Variants in SENP7 observed in about 807,000 individuals in gnomAD.
SENP7 encodes sentrin-specific protease 7.
Under a neutral mutation model 141.2 loss-of-function variants are expected in SENP7, and 64 were observed. The ratio of observed to expected loss-of-function variants is 0.45; its 90% CI spans 0.37 to 0.56. The LOEUF is 0.56. Among genes scored for constraint, SENP7 ranks in the 20% least tolerant of loss-of-function variants. The pLI is 0.00. For synonymous variants in SENP7, 382 were observed against 426.4 expected (o/e 0.90, Z 1.28); for missense variants, 1,025 against 1,212.2 (o/e 0.85, Z 2.29).
At chr3:101,452,849 G>A (rs1047378296) in intron 4 of SENP7, among the ~76,000 whole-genome samples, 1 of 152,162 alleles carries the variant, frequency 6.6e-6, no homozygotes, top group Non-Finnish European at 1.5e-5. Context: ...GGCAACAAAA[G>A]CCAAAATTGA....
At chr3:101,385,519 C>T (rs746906971) in intron 6 of SENP7, among the ~76,000 whole-genome samples, 5 of 152,318 alleles carry the variant, frequency 3.3e-5, no homozygotes, top group Admixed American at 2.0e-4. Context: ...AAACTTAGGG[C>T]CTCTCCTGCA....
chr3:101,442,405 C>T (rs945632878), intron 4 of SENP7, among the ~76,000 whole-genome samples: 2 of 152,090 alleles, frequency 1.3e-5, no homozygotes, highest in Non-Finnish European at 2.9e-5. Flanking sequence ...CAACCTAGGT[C>T]GCCTGCATGC....
In SENP7 at chr3:101,491,128, T is replaced by TTC. The variant is rs1230044641; in HGVS notation, c.186+2744_186+2745insGA. On this transcript the variant is annotated intron_variant, in intron 3 of 23. Transcript: ENST00000394095. ...GATTTTATTTGCTTCATTTTATACT[T>TTC]TTTTTTTTTTTTTTGAGACAGGGTC... Among the ~76,000 whole-genome samples, 327 of 147,208 alleles carry TTC rather than the reference T, an allele frequency of 2.2e-3. 5 individuals are homozygous for TTC. The highest frequency in any genetic ancestry group is 0.021 in the Admixed American group (310 of 14,850).
At chr3:101,326,190 T>C in intron 23 of SENP7, 110 bp from the exon 24 acceptor site, 3 of 855,136 alleles carry the variant, frequency 3.5e-6, no homozygotes. Flanking sequence ...AAAATAACAA[T>C]TATATTAAGA....
At chr3:101,391,922 C>G (rs540731954) in intron 6 of SENP7, among the ~76,000 whole-genome samples, 99 of 152,232 alleles carry the variant, frequency 6.5e-4, no homozygotes, top group Middle Eastern at 3.4e-3. Flanking sequence ...AAGACACACA[C>G]AAATCAATAA....
intron 4 of SENP7, among the ~76,000 whole-genome samples, chr3:101,452,606 A>G: frequency 6.6e-6 from 1 of 152,168 alleles, no homozygotes; most frequent in South Asian, 2.1e-4. Flanking sequence ...CAAAAACAAG[A>G]AATGGGGAAA....
intron 1 of SENP7, among the ~76,000 whole-genome samples, chr3:101,501,660 A>C (rs1036132611): frequency 2.6e-5 from 4 of 152,224 alleles, no homozygotes; most frequent in Non-Finnish European, 5.9e-5. Context: ...TATAACTTCC[A>C]ACCAGCAAAC....
chr3:101,351,767 C>T, intron 11 of SENP7, 116 bp from the exon 12 acceptor site: 1 of 767,480 alleles, frequency 1.3e-6, no homozygotes, highest in African/African-American at 1.8e-5. Flanking sequence ...AGTGCTCAAG[C>T]CTTTTTATCA....
At chr3:101,415,447 G>C (rs994799706) in intron 5 of SENP7, among the ~76,000 whole-genome samples, 5 of 148,030 alleles carry the variant, frequency 3.4e-5, no homozygotes, top group African/African-American at 1.2e-4. Flanking sequence ...GAAGAGAAAG[G>C]GGTTTTGATT....
At chr3:101,387,310 C>T (rs1559754246) in intron 6 of SENP7, among the ~76,000 whole-genome samples, 1 of 152,138 alleles carries the variant, frequency 6.6e-6, no homozygotes, top group Admixed American at 6.5e-5. Context: ...AATAGGCCTA[C>T]CCCACCCACC....
intron 6 of SENP7, 149 bp downstream of exon 6, chr3:101,398,712 G>T: frequency 1.8e-6 from 1 of 569,956 alleles, no homozygotes; most frequent in Non-Finnish European, 2.9e-6. Context: ...GGTTCCAATA[G>T]CCATTCCAGC....
At chr3:101,476,996 G>T (rs1576470672) in intron 3 of SENP7, among the ~76,000 whole-genome samples, 1 of 152,088 alleles carries the variant, frequency 6.6e-6, no homozygotes, top group Non-Finnish European at 1.5e-5. Context: ...ATTCTGGATA[G>T]TAGTCCTTTG....
chr3:101,346,058 C>T (rs1231424854), intron 13 of SENP7, among the ~76,000 whole-genome samples: 2 of 152,042 alleles, frequency 1.3e-5, no homozygotes, highest in African/African-American at 4.8e-5. Context: ...ACAAGGAACT[C>T]AAACATTAAT....
intron 4 of SENP7, among the ~76,000 whole-genome samples, chr3:101,449,298 C>G (rs1327633995): frequency 1.3e-5 from 2 of 152,194 alleles, no homozygotes; most frequent in African/African-American, 4.8e-5. Context: ...AAACACTCTG[C>G]AGGATATTAT....
intron 2 of SENP7, among the ~76,000 whole-genome samples, chr3:101,495,146 CAT>C (rs960777789): frequency 6.6e-6 from 1 of 151,900 alleles, no homozygotes; most frequent in South Asian, 2.1e-4. Context: ...GGAAGACACA[CAT>C]GTGGCCGACA....
intron 6 of SENP7, among the ~76,000 whole-genome samples, chr3:101,396,951 C>G (rs6785482): frequency 0.4 from 60,354 of 152,064 alleles, 12,500 homozygotes; most frequent in Admixed American, 0.54. Context: ...TCAAGCAATT[C>G]TCCTGCCTCA....
intron 11 of SENP7, among the ~76,000 whole-genome samples, chr3:101,354,122 G>A (rs934049654): frequency 6.6e-6 from 1 of 151,588 alleles, no homozygotes; most frequent in Non-Finnish European, 1.5e-5. Context: ...CATCATAACT[G>A]TCCTAATTTT....
intron 3 of SENP7, among the ~76,000 whole-genome samples, chr3:101,465,074 T>C (rs1429822754): frequency 6.6e-6 from 1 of 152,064 alleles, no homozygotes; most frequent in East Asian, 1.9e-4. Context: ...GTCACCAATG[T>C]ACATCATCAG....
rs940054330 is a variant in SENP7 at position 101,361,847 on chromosome 3, T to C, written c.1491A>G (p.Leu497=). Residue 497 remains leucine, a synonymous_variant, in exon 11 of 24, where the codon TTA becomes TTG. Transcript: ENST00000394095. ...TCESVQMSSE[L]CPYNPVMENI... is the part of the protein sequence containing the mutation. ...TCTCCATGACAGGATTATATGGGCA[T>C]AATTCAGATGACATCTAACAAGGAA... 3 of 1,602,572 alleles carry C rather than the reference T, an allele frequency of 1.9e-6. No individual in the cohort carries two copies. The highest frequency in any genetic ancestry group is 1.7e-6 in the Non-Finnish European group (2 of 1,176,554).
Sources: allele counts gnomAD v4.1 joint callset (sites outside exome capture counted in the v4.1 genomes callset), GRCh38; gene constraint gnomAD v4.1.1; transcripts MANE v1.5; gene names NCBI Gene and HGNC (gene_info 2026-07-23, HGNC 2026-07-21).